Variants in GRIN2B observed in about 807,000 individuals in gnomAD.
GRIN2B encodes the protein glutamate ionotropic receptor NMDA type subunit 2B.
A neutral mutation model predicts 114.5 loss-of-function variants in GRIN2B; 5 were observed. The observed-to-expected ratio is 0.04, with a 90% CI of 0.02 to 0.09. The LOEUF (loss-of-function observed/expected upper bound fraction) is 0.09, where lower values mean the gene tolerates loss of function less well. Among genes scored for constraint, GRIN2B ranks in the 10% least tolerant of loss-of-function variants. The probability of loss-of-function intolerance (pLI) is 1.00; values close to 1 mark genes in which losing one functional copy is unlikely to be tolerated. For synonymous variants in GRIN2B, 787 were observed against 745.1 expected (o/e 1.06, Z -0.92); for missense variants, 1,108 against 1,943.5 (o/e 0.57, Z 8.08).
At chr12:13,907,672 T>A (rs1338464021) in intron 2 of GRIN2B, among the ~76,000 whole-genome samples, 1 of 152,176 alleles carries the variant, frequency 6.6e-6, no homozygotes. Context: ...TTGTTGGAAA[T>A]GTTTTATATT....
In GRIN2B at chr12:13,866,200, G is replaced by A. The variant is rs202219447; in HGVS notation, c.9C>T (p.Pro3=). MK[P]RAECCSPKFW... is the part of the protein sequence containing the mutation. ...ACTTGGGAGAACAGCACTCCGCTCT[G>A]GGCTTCATCTTCAACTCGTCGACTC... Residue 3 remains proline (P), a synonymous_variant, in exon 3 of 14, where the codon CCC becomes CCT. Coordinates refer to ENST00000609686, the MANE Select transcript of GRIN2B (RefSeq NM_000834.5). The A allele has an allele frequency of 8.1e-6, 13 of 1,608,234 alleles. No individual in the cohort carries two copies. The highest frequency in any genetic ancestry group is 1.7e-5 in the Admixed American group (1 of 60,016).
At chr12:13,698,693 AT>A (rs1391226560) in intron 4 of GRIN2B, among the ~76,000 whole-genome samples, 1 of 152,120 alleles carries the variant, frequency 6.6e-6, no homozygotes, top group Non-Finnish European at 1.5e-5. Flanking sequence ...AATTATTTTT[AT>A]TTTTTTGAGA....
chr12:13,892,174 T>C (rs183297090), intron 2 of GRIN2B, among the ~76,000 whole-genome samples: 2 of 152,252 alleles, frequency 1.3e-5, no homozygotes, highest in Non-Finnish European at 2.9e-5. Context: ...TGAAATTTCA[T>C]AGGTGAAACA....
intron 2 of GRIN2B, among the ~76,000 whole-genome samples, chr12:13,901,965 T>A (rs1241179125): frequency 6.6e-6 from 1 of 152,160 alleles, no homozygotes; most frequent in African/African-American, 2.4e-5. Context: ...GTCTATCTTT[T>A]TCCACCAATC....
In GRIN2B at chr12:13,547,959, G is replaced by GTGTGTATATA. The variant is rs796607856; in HGVS notation, c.*14823_*14824insTATATACACA. 3 of 91,474 alleles carry GTGTGTATATA rather than the reference G, an allele frequency of 3.3e-5. No homozygotes were observed. The highest frequency in any genetic ancestry group is 7.6e-5 in the African/African-American group (2 of 26,262). 5.7% of individuals were successfully genotyped at this position (91,474 alleles called of 1,614,324 possible). Reference sequence around the variant, plus strand: ...TATGTATGTATGTATGTATGTGTGTGTATATATATATATATATATATATTT... The same window carrying GTGTGTATATA: ...TATGTATGTATGTATGTATGTGTGTGTGTGTATATATATATATATATATATATATATATTT... On this transcript the variant is annotated 3_prime_UTR_variant, in exon 14 of 14. Coordinates refer to ENST00000609686, the MANE Select transcript of GRIN2B (RefSeq NM_000834.5).
intron 10 of GRIN2B, among the ~76,000 whole-genome samples, chr12:13,591,764 A>G (rs140954018): frequency 4.6e-5 from 7 of 152,198 alleles, no homozygotes; most frequent in Non-Finnish European, 1.0e-4. Flanking sequence ...CACATAATAC[A>G]AAGGTTAATA....
At position 13,547,981 on chromosome 12, in the gene GRIN2B, A is replaced by ATATATATATATATTTTTTTTTT; in HGVS notation, c.*14801_*14802insAAAAAAAAAATATATATATATA. 4.4e-5 allele frequency: 3 copies of ATATATATATATATTTTTTTTTT among 68,594 alleles called. No homozygotes were observed. The highest frequency in any genetic ancestry group is 8.7e-5 in the Non-Finnish European group (3 of 34,400). 4.2% of individuals were successfully genotyped at this position (68,594 alleles called of 1,614,324 possible). ...TGTGTATATATATATATATATATAT[A>ATATATATATATATTTTTTTTTT]TTTTTTTTTTTTTTCTGAAAGCTAC... On this transcript the variant is annotated 3_prime_UTR_variant, in exon 14 of 14. Coordinates refer to ENST00000609686, the MANE Select transcript of GRIN2B (RefSeq NM_000834.5).
At chr12:13,972,863 A>G (rs923549803) in intron 2 of GRIN2B, among the ~76,000 whole-genome samples, 5 of 152,242 alleles carry the variant, frequency 3.3e-5, no homozygotes, top group African/African-American at 4.8e-5. Flanking sequence ...TTTGGGGCCT[A>G]CTATATTTGG....
chr12:13,775,040 C>T (rs1489475532), intron 3 of GRIN2B, among the ~76,000 whole-genome samples: 3 of 152,080 alleles, frequency 2.0e-5, no homozygotes, highest in African/African-American at 7.2e-5. Flanking sequence ...TATTACCAGG[C>T]ATTCATGGGA....
chr12:13,709,842 CT>C (rs959186697), intron 4 of GRIN2B, among the ~76,000 whole-genome samples: 1 of 151,964 alleles, frequency 6.6e-6, no homozygotes, highest in Non-Finnish European at 1.5e-5. Flanking sequence ...TAAAATGATA[CT>C]ACCGCTCTGA....
chr12:13,891,510 T>C (rs1292949933), intron 2 of GRIN2B, among the ~76,000 whole-genome samples: 1 of 152,192 alleles, frequency 6.6e-6, no homozygotes, highest in Non-Finnish European at 1.5e-5. Context: ...TAACTGCCAA[T>C]TTGGAATTTT....
intron 5 of GRIN2B, among the ~76,000 whole-genome samples, chr12:13,630,353 T>C (rs1035944545): frequency 6.6e-6 from 1 of 152,254 alleles, no homozygotes; most frequent in African/African-American, 2.4e-5. Flanking sequence ...TATGGTAGAT[T>C]CTTATATTAG....
chr12:13,884,193 T>C (rs541245159), intron 2 of GRIN2B, among the ~76,000 whole-genome samples: 1 of 152,278 alleles, frequency 6.6e-6, no homozygotes, highest in East Asian at 1.9e-4. Context: ...AACTTTTTAA[T>C]TCCAGAATTG....
At position 13,564,577 on chromosome 12, in the gene GRIN2B, G is replaced by T. The variant is rs201157664; in HGVS notation, c.2661C>A (p.Pro887=). The change falls in exon 14 of 14, where the codon CCC becomes CCA. Residue 887 remains proline, a synonymous_variant. Coordinates refer to ENST00000609686, the MANE Select transcript of GRIN2B (RefSeq NM_000834.5). This position sits in a 1 kb window ranked among gnomAD's most constrained non-coding sequence, Gnocchi z 4.8. ...AGTGTGTGTTGTTCATGGTTGCGGT[G>T]GGGGAGTTCATTACAGACTGGCGCT... ...IEERQSVMNS[P]TATMNNTHSN... is the part of the protein sequence containing the mutation. 47 of 1,613,844 alleles carry T rather than the reference G, an allele frequency of 2.9e-5. No homozygotes were observed. Among genetic ancestry groups the T allele is most frequent in the Non-Finnish European group, 3.9e-5 (46 of 1,179,932 alleles).
chr12:13,667,022 C>G (rs1431667014), intron 5 of GRIN2B, among the ~76,000 whole-genome samples: 1 of 152,168 alleles, frequency 6.6e-6, no homozygotes, highest in African/African-American at 2.4e-5. Flanking sequence ...ATTGCTCTCT[C>G]CCTTCTGGGT....
At chr12:13,952,137 G>C (rs879398147) in intron 2 of GRIN2B, among the ~76,000 whole-genome samples, 1 of 151,934 alleles carries the variant, frequency 6.6e-6, no homozygotes, top group African/African-American at 2.4e-5. Context: ...ATGTATATAA[G>C]GACCTTAAGG....
intron 3 of GRIN2B, among the ~76,000 whole-genome samples, chr12:13,823,652 T>C (rs1864978633): frequency 6.6e-6 from 1 of 152,136 alleles, no homozygotes; most frequent in East Asian, 1.9e-4. Flanking sequence ...TATTTCTTTT[T>C]TGTACTTTAT....
chr12:13,567,610 T>A (rs1438552865), intron 12 of GRIN2B, among the ~76,000 whole-genome samples: 1 of 152,008 alleles, frequency 6.6e-6, no homozygotes, highest in African/African-American at 2.4e-5. Context: ...AGAGTCCAAA[T>A]TGGTGACAGT....
At chr12:13,614,632 G>A (rs559282644) in intron 8 of GRIN2B, among the ~76,000 whole-genome samples, 51 of 152,254 alleles carry the variant, frequency 3.3e-4, no homozygotes, top group South Asian at 8.3e-4. Context: ...GAAAATTTGC[G>A]TGGAAACAAA....
Sources: gnomAD v4.1 joint callset for allele counts (sites outside exome capture counted in the v4.1 genomes callset) on GRCh38, gnomAD v4.1.1 for gene constraint, Gnocchi (gnomAD v3.1) non-coding constraint, MANE v1.5 for transcripts, NCBI Gene and HGNC (gene_info 2026-07-23, HGNC 2026-07-21) for gene names.